TMEM108: variants seen among roughly 807,000 people sequenced by gnomAD.
The protein encoded by TMEM108 is cancer/testis antigen 124.
In TMEM108, 12 loss-of-function variants were observed where a neutral mutation model predicts 35.1. That is an observed-to-expected ratio of 0.34 (90% CI 0.22 to 0.55). TMEM108 has a LOEUF of 0.55. Among genes scored for constraint, TMEM108 ranks in the 20% least tolerant of loss-of-function variants. The probability of loss-of-function intolerance (pLI) is 0.89; values close to 1 mark genes in which losing one functional copy is unlikely to be tolerated. For missense variants in TMEM108, 680 were observed against 753.3 expected (o/e 0.90, Z 1.14); for synonymous variants, 287 against 308.6 (o/e 0.93, Z 0.73).
intron 3 of TMEM108, among the ~76,000 whole-genome samples, chr3:133,345,037 A>G (rs893573527): frequency 6.6e-6 from 1 of 151,902 alleles, no homozygotes; most frequent in Non-Finnish European, 1.5e-5. Flanking sequence ...AAAGAGGCCT[A>G]TGTCACTGAA....
At chr3:133,065,500 T>G (rs115409719) in intron 2 of TMEM108, among the ~76,000 whole-genome samples, 2,596 of 152,252 alleles carry the variant, frequency 0.017, 88 homozygotes, top group African/African-American at 0.06. Context: ...CCAATTTTTT[T>G]TTCATGTTCC....
intron 3 of TMEM108, among the ~76,000 whole-genome samples, chr3:133,271,736 T>G (rs1946773846): frequency 6.6e-6 from 1 of 152,142 alleles, no homozygotes; most frequent in African/African-American, 2.4e-5. Context: ...ATTTACAAAC[T>G]GTCATGAGCC....
At chr3:133,340,123 G>A (rs2071616929) in intron 3 of TMEM108, among the ~76,000 whole-genome samples, 1 of 150,112 alleles carries the variant, frequency 6.7e-6, no homozygotes, top group Admixed American at 6.6e-5. Flanking sequence ...GAAATGAAAT[G>A]AAGGAAACAA....
chr3:133,085,438 A>G (rs993747616), intron 2 of TMEM108, among the ~76,000 whole-genome samples: 1 of 152,208 alleles, frequency 6.6e-6, no homozygotes, highest in African/African-American at 2.4e-5. Context: ...ACTGAAACAG[A>G]TCACTGATTC....
chr3:133,207,068 C>A (rs1945767033), intron 2 of TMEM108, among the ~76,000 whole-genome samples: 1 of 152,156 alleles, frequency 6.6e-6, no homozygotes, highest in Non-Finnish European at 1.5e-5. Context: ...GGGGCTCTGC[C>A]CAGTTTGAAC....
intron 2 of TMEM108, among the ~76,000 whole-genome samples, chr3:133,134,332 CT>C (rs1944534388): frequency 6.6e-6 from 1 of 151,968 alleles, no homozygotes; most frequent in African/African-American, 2.4e-5. Flanking sequence ...GTTAATTATG[CT>C]ATTTAAATCT....
At chr3:133,115,900 G>A (rs933596705) in intron 2 of TMEM108, among the ~76,000 whole-genome samples, 5 of 152,168 alleles carry the variant, frequency 3.3e-5, no homozygotes, top group African/African-American at 1.2e-4. Flanking sequence ...ATTGCCATCT[G>A]TTCTCATGTG....
chr3:133,283,614 T>TC (rs1368252889), intron 3 of TMEM108, among the ~76,000 whole-genome samples: 3 of 152,222 alleles, frequency 2.0e-5, no homozygotes, highest in Non-Finnish European at 4.4e-5. Flanking sequence ...AGAGACTGAA[T>TC]CAGGGAACTC....
chr3:133,359,944 T>C lies in TMEM108; in HGVS notation c.41-19808T>C, dbSNP rs182757055. Among the ~76,000 whole-genome samples the C allele has an allele frequency of 2.5e-3, 375 of 149,688 alleles. 2 individuals are homozygous for C. Among genetic ancestry groups the C allele is most frequent in the Non-Finnish European group, 4.4e-3 (298 of 67,776 alleles). ...CTAAACTGGAAACAATTCAGCTGTTTATCATCAGATGAATGAATATACGAA... is the reference window on the plus strand; with the variant it reads ...CTAAACTGGAAACAATTCAGCTGTTCATCATCAGATGAATGAATATACGAA... On this transcript the variant is annotated intron_variant, in intron 3 of 5. Coordinates refer to ENST00000321871, the MANE Select transcript of TMEM108 (RefSeq NM_023943.4).
At chr3:133,284,123 T>G (rs1174350837) in intron 3 of TMEM108, among the ~76,000 whole-genome samples, 1 of 152,174 alleles carries the variant, frequency 6.6e-6, no homozygotes. Context: ...CAGCTATGTC[T>G]TTCTCATCCT....
Position 133,381,171 on chromosome 3 carries a change from G to A in TMEM108, c.1450+10G>A, listed in dbSNP as rs188671399. The A allele has an allele frequency of 3.6e-4, 570 of 1,579,832 alleles. 22 individuals carry two copies. The South Asian group carries it at 4.4e-3, about 12-fold the overall frequency. ...CCCATCTCCTCCTGCTGTAAGTGCC[G>A]CCCTCTCCCACCCATCCTCTCCCTC... On this transcript the variant is annotated intron_variant, in intron 4 of 5. Coordinates refer to ENST00000321871, the MANE Select transcript of TMEM108 (RefSeq NM_023943.4).
intron 3 of TMEM108, among the ~76,000 whole-genome samples, chr3:133,255,476 G>A (rs1946532325): frequency 2.6e-5 from 4 of 152,012 alleles, no homozygotes; most frequent in Admixed American, 2.0e-4. Context: ...GAAATTACTT[G>A]GAATATACTA....
chr3:133,348,030 T>C (rs546479058), intron 3 of TMEM108, among the ~76,000 whole-genome samples: 2 of 152,092 alleles, frequency 1.3e-5, no homozygotes, highest in South Asian at 4.1e-4. Flanking sequence ...AATTCTTAAT[T>C]AACCTATGGA....
intron 4 of TMEM108, chr3:133,387,605 G>A: frequency 2.2e-6 from 2 of 923,058 alleles, no homozygotes; most frequent in Non-Finnish European, 2.6e-6. Context: ...ATGGCCTTGA[G>A]CAAGTTCACC....
intron 2 of TMEM108, among the ~76,000 whole-genome samples, chr3:133,127,651 T>C (rs557470264): frequency 6.6e-6 from 1 of 152,354 alleles, no homozygotes; most frequent in South Asian, 2.1e-4. Context: ...CTCAGGCTCC[T>C]CTTGTCTTCC....
At chr3:133,151,167 G>C (rs1024562102) in intron 2 of TMEM108, among the ~76,000 whole-genome samples, 2 of 151,880 alleles carry the variant, frequency 1.3e-5, no homozygotes, top group African/African-American at 4.8e-5. Context: ...CTTTAGCATT[G>C]ATCCTCTCCT....
At chr3:133,298,692 T>C (rs114924278) in intron 3 of TMEM108, among the ~76,000 whole-genome samples, 1,532 of 152,252 alleles carry the variant, frequency 0.01, 33 homozygotes, top group African/African-American at 0.035. Flanking sequence ...ATGCCCATGT[T>C]ACAGGTGAGG....
intron 2 of TMEM108, chr3:133,125,091 T>G (rs1944399101): frequency 6.6e-6 from 1 of 152,204 alleles, no homozygotes; most frequent in South Asian, 2.1e-4. Context: ...GACTCTGAAA[T>G]GAATTAGATG....
intron 3 of TMEM108, among the ~76,000 whole-genome samples, chr3:133,289,117 G>A (rs183210185): frequency 8.9e-4 from 135 of 152,178 alleles, no homozygotes; most frequent in Admixed American, 1.2e-3. Context: ...CCTAACTATG[G>A]GGAGTGGAGC....
Sources: allele counts gnomAD v4.1 joint callset (sites outside exome capture counted in the v4.1 genomes callset), GRCh38; gene constraint gnomAD v4.1.1; transcripts MANE v1.5; gene names NCBI Gene and HGNC (gene_info 2026-07-23, HGNC 2026-07-21).